The following PHACTR3 variants were observed in gnomAD, a reference collection of about 807,000 sequenced individuals.
The protein encoded by PHACTR3 is protein phosphatase 1, regulatory subunit 123.
Under a neutral mutation model 66.8 loss-of-function variants are expected in PHACTR3, and 16 were observed. The ratio of observed to expected loss-of-function variants is 0.24; its 90% CI spans 0.16 to 0.36. The LOEUF is 0.36. Among genes scored for constraint, PHACTR3 ranks in the 10% least tolerant of loss-of-function variants. The probability of loss-of-function intolerance (pLI) is 1.00; values close to 1 mark genes in which losing one functional copy is unlikely to be tolerated. For missense variants in PHACTR3, 647 were observed against 719.9 expected (o/e 0.90, Z 1.16); for synonymous variants, 323 against 292.1 (o/e 1.11, Z -1.08).
At chr20:59,733,922 C>A (rs2038854183) in intron 1 of PHACTR3, among the ~76,000 whole-genome samples, 1 of 152,100 alleles carries the variant, frequency 6.6e-6, no homozygotes, top group South Asian at 2.1e-4. Context: ...TTGGCTCTTC[C>A]ATATGTGTGA....
At chr20:59,747,319 T>G (rs917677390) in intron 2 of PHACTR3, among the ~76,000 whole-genome samples, 4 of 152,136 alleles carry the variant, frequency 2.6e-5, no homozygotes, top group African/African-American at 9.7e-5. Flanking sequence ...TGTGAGTGGA[T>G]GTTAAGAGCG....
In PHACTR3 at chr20:59,774,466, G is replaced by A. The variant is rs1178424511; in HGVS notation, c.1150G>A (p.Ala384Thr). The A allele has an allele frequency of 2.5e-6, 4 of 1,613,838 alleles. No homozygotes were observed. Among genetic ancestry groups the A allele is most frequent in the Non-Finnish European group, 3.4e-6 (4 of 1,179,828 alleles). Residue 384 changes from alanine (A) to threonine (T), a missense_variant, in exon 7 of 13, where the codon GCG (alanine) becomes ACG (threonine). This residue lies in a region of PHACTR3 where 577 missense variants were observed against 571.1 expected (regional missense o/e 1.01). Transcript: ENST00000371015. Reference sequence around the variant, plus strand: ...CTTGCTTTTGTATCAGGACGAGGAGGCGCTGAACGACTCCATTATTTCTGG... The same window carrying A: ...CTTGCTTTTGTATCAGGACGAGGAGACGCTGAACGACTCCATTATTTCTGG... Reference protein sequence around the residue: ...DDLLLYQDEEALNDSIISGTL... With the variant: ...DDLLLYQDEETLNDSIISGTL...
intron 1 of PHACTR3, among the ~76,000 whole-genome samples, chr20:59,597,562 A>C (rs2033359628): frequency 6.6e-6 from 1 of 152,208 alleles, no homozygotes; most frequent in Non-Finnish European, 1.5e-5. Flanking sequence ...AAATGGGAAA[A>C]TCACAGTTCT....
intron 1 of PHACTR3, among the ~76,000 whole-genome samples, chr20:59,667,420 T>C (rs1028940242): frequency 2.0e-5 from 3 of 152,242 alleles, no homozygotes; most frequent in African/African-American, 7.2e-5. Context: ...GTCTCATTTA[T>C]TGACTTCTCC....
intron 1 of PHACTR3, among the ~76,000 whole-genome samples, chr20:59,606,293 A>C (rs1429688773): frequency 6.4e-5 from 6 of 93,692 alleles, no homozygotes; most frequent in African/African-American, 1.8e-4. Flanking sequence ...CTGTGTGGGC[A>C]CTGGATCCCT....
intron 1 of PHACTR3, among the ~76,000 whole-genome samples, chr20:59,660,660 C>T (rs1009138201): frequency 1.3e-5 from 2 of 152,248 alleles, no homozygotes; most frequent in African/African-American, 4.8e-5. Flanking sequence ...AAGCAGTCAG[C>T]TGGCAAATGC....
chr20:59,696,810 G>C (rs2037315625), intron 1 of PHACTR3, among the ~76,000 whole-genome samples: 2 of 152,120 alleles, frequency 1.3e-5, no homozygotes, highest in African/African-American at 4.8e-5. Flanking sequence ...TCTGCTTTTG[G>C]GAGACCTTGA....
intron 1 of PHACTR3, among the ~76,000 whole-genome samples, chr20:59,722,600 G>C (rs761811875): frequency 3.3e-5 from 5 of 152,178 alleles, no homozygotes; most frequent in Non-Finnish European, 7.3e-5. Context: ...AAGGCCTGCT[G>C]TGCATTGCTG....
At chr20:59,840,173 A>C (rs1459458911) in intron 9 of PHACTR3, among the ~76,000 whole-genome samples, 196 bp from the exon 10 acceptor site, 2 of 152,166 alleles carry the variant, frequency 1.3e-5, no homozygotes, top group African/African-American at 4.8e-5. Context: ...TGCTTAGTAC[A>C]AGTATTTCTG....
intron 1 of PHACTR3, among the ~76,000 whole-genome samples, chr20:59,643,735 G>C (rs1434903670): frequency 6.6e-6 from 1 of 152,216 alleles, no homozygotes; most frequent in African/African-American, 2.4e-5. Flanking sequence ...GCCCCTCTGT[G>C]TGGAGTGTTC....
intron 7 of PHACTR3, among the ~76,000 whole-genome samples, chr20:59,804,544 T>C (rs77542876): frequency 0.016 from 2,412 of 152,326 alleles, 65 homozygotes; most frequent in African/African-American, 0.055. Flanking sequence ...CATTCATGAA[T>C]GTCACCGTCG....
At chr20:59,696,894 G>A (rs1347888488) in intron 1 of PHACTR3, among the ~76,000 whole-genome samples, 2 of 152,186 alleles carry the variant, frequency 1.3e-5, no homozygotes, top group Admixed American at 1.3e-4. Context: ...GACAGTCCAC[G>A]CTTTCCTATT....
intron 8 of PHACTR3, among the ~76,000 whole-genome samples, chr20:59,811,394 C>T (rs1456968253): frequency 6.6e-6 from 1 of 152,218 alleles, no homozygotes; most frequent in Admixed American, 6.5e-5. Context: ...TCCGGTGGCT[C>T]ATGCCTGTAA....
intron 8 of PHACTR3, among the ~76,000 whole-genome samples, chr20:59,825,551 T>C (rs1035019716): frequency 6.6e-6 from 1 of 152,206 alleles, no homozygotes; most frequent in Non-Finnish European, 1.5e-5. Context: ...GTTCTTACCA[T>C]TGAGGTACTC....
At chr20:59,840,529 A>T (rs2145511181) in intron 10 of PHACTR3, 99 bp downstream of exon 10, 2 of 1,518,578 alleles carry the variant, frequency 1.3e-6, no homozygotes, top group East Asian at 2.3e-5. Context: ...TCACTCTGTG[A>T]TCATGAATAA....
At chr20:59,730,494 T>TTGGC (rs2038724424) in intron 1 of PHACTR3, among the ~76,000 whole-genome samples, 4 of 151,748 alleles carry the variant, frequency 2.6e-5, no homozygotes, top group African/African-American at 9.7e-5. Context: ...TAAGGCCCTG[T>TTGGC]TTGCTTGCTT....
chr20:59,636,696 G>A (rs2146409918), intron 1 of PHACTR3, among the ~76,000 whole-genome samples: 1 of 152,342 alleles, frequency 6.6e-6, no homozygotes, highest in Admixed American at 6.5e-5. Flanking sequence ...AAATGGAGAT[G>A]TGTATGAAGG....
rs1031412779 is a variant in PHACTR3 at position 59,662,728 on chromosome 20, G to A, written c.118+57596G>A. Among the ~76,000 whole-genome samples the A allele has an allele frequency of 3.9e-5, 6 of 152,206 alleles. No individual in the cohort carries two copies. In the East Asian group the frequency reaches 9.7e-4, roughly 25 times the overall value. ...GCAGGGGGTACAGGGCACGGTGGCC[G>A]TTTCTGCAATCGCTGAGGCAGGAGG... On this transcript the variant is annotated intron_variant, in intron 1 of 12. Transcript: ENST00000371015.
chr20:59,773,271 C>T lies in PHACTR3; in HGVS notation c.752-8C>T. The T allele has an allele frequency of 6.2e-7, 1 of 1,609,952 alleles. No individual in the cohort carries two copies. The highest frequency in any genetic ancestry group is 2.2e-5 in the East Asian group (1 of 44,706). Reference sequence around the variant, plus strand: ...CCTATGTTCTTGCTGCTTCCTCCCACACCCCAGGCCAAGCCACACTCTTCC... The same window carrying T: ...CCTATGTTCTTGCTGCTTCCTCCCATACCCCAGGCCAAGCCACACTCTTCC... On this transcript the variant is annotated splice_polypyrimidine_tract_variant and splice_region_variant and intron_variant, in intron 5 of 12. Transcript: ENST00000371015.
Sources: gnomAD v4.1 joint callset for allele counts (sites outside exome capture counted in the v4.1 genomes callset) on GRCh38, gnomAD v4.1.1 for gene constraint, gnomAD v4.1.1 regional missense constraint, MANE v1.5 for transcripts, NCBI Gene and HGNC (gene_info 2026-07-23, HGNC 2026-07-21) for gene names.